Variants in HIPK2 observed in about 807,000 individuals in gnomAD.
The protein encoded by HIPK2 is homeodomain interacting protein kinase 2, also known as homeodomain-interacting protein kinase 2.
In HIPK2, 27 loss-of-function variants were observed where a neutral mutation model predicts 113.7. The observed-to-expected ratio is 0.24, with a 90% CI of 0.17 to 0.33. The LOEUF is 0.33. Among genes scored for constraint, HIPK2 ranks in the 10% least tolerant of loss-of-function variants. The pLI is 1.00. For synonymous variants in HIPK2, 631 were observed against 642.2 expected (o/e 0.98, Z 0.26); for missense variants, 1,257 against 1,588.0 (o/e 0.79, Z 3.54).
intron 2 of HIPK2, among the ~76,000 whole-genome samples, chr7:139,695,736 G>A (rs894891506): frequency 1.3e-5 from 2 of 151,918 alleles, no homozygotes; most frequent in African/African-American, 4.8e-5. Flanking sequence ...TGCCAAAGAT[G>A]TTTTGGACAA....
intron 11 of HIPK2, among the ~76,000 whole-genome samples, chr7:139,597,830 T>A (rs1428453077): frequency 6.6e-6 from 1 of 152,148 alleles, no homozygotes; most frequent in East Asian, 1.9e-4. Context: ...AAATACTTTC[T>A]CCCCTCCCTA....
chr7:139,563,658 C>G lies in HIPK2; in HGVS notation c.*9269G>C. On this transcript the variant is annotated 3_prime_UTR_variant, in exon 15 of 15. Coordinates refer to ENST00000406875, the MANE Select transcript of HIPK2 (RefSeq NM_022740.5). Reference sequence around the variant, plus strand: ...AAAAACAGCAACACCACCACACAAACAGGAAAGTGGGAGTATGATTAGGAG... The same window carrying G: ...AAAAACAGCAACACCACCACACAAAGAGGAAAGTGGGAGTATGATTAGGAG... 2.5e-6 allele frequency: 1 copy of G among 396,380 alleles called. No individual in the cohort carries two copies. The highest frequency in any genetic ancestry group is 1.4e-4 in the South Asian group (1 of 7,012). The allele number at this position is 396,380 out of a possible 1,614,324, so 24.6% of individuals were successfully genotyped here. A position where few individuals can be genotyped will look rare whatever the true frequency, so the allele number is the denominator to read the frequency against.
chr7:139,729,154 T>C (rs891119691), intron 1 of HIPK2, among the ~76,000 whole-genome samples: 4 of 151,986 alleles, frequency 2.6e-5, no homozygotes, highest in Non-Finnish European at 4.4e-5. Context: ...TGAAATCCTG[T>C]CTCTACAAAA....
intron 2 of HIPK2, among the ~76,000 whole-genome samples, chr7:139,668,126 C>CAA (rs35566561): frequency 8.6e-4 from 48 of 55,632 alleles, no homozygotes; most frequent in African/African-American, 2.1e-3. Flanking sequence ...AACTCCATCT[C>CAA]AAAAAAAAAA....
chr7:139,604,161 T>C lies in HIPK2; in HGVS notation c.2175A>G (p.Gly725=), dbSNP rs764393275. 6.2e-7 allele frequency: 1 copy of C among 1,613,934 alleles called. No individual in the cohort carries two copies. Among genetic ancestry groups the C allele is most frequent in the South Asian group, 1.1e-5 (1 of 91,086 alleles). Residue 725 remains glycine (G), a synonymous_variant, in exon 10 of 15, where the codon GGA becomes GGG. Coordinates refer to ENST00000406875, the MANE Select transcript of HIPK2 (RefSeq NM_022740.5). ...LLPPAWQQLT[G]VATHTSVQHA... ...GCTGCACTGATGTGTGGGTGGCCAC[T>C]CCAGTCAGTTGCTGCCATGCTGGGG...
rs1400171621 is a variant in HIPK2, at chr7:139,567,795, A to AG, written c.*5131_*5132insC. ...TCAATTCTCTCTGCTAGTTGAGAGC[A>AG]CCGAGCCATTTCCTTCTTTCCATTT... On this transcript the variant is annotated 3_prime_UTR_variant, in exon 15 of 15. Coordinates refer to ENST00000406875, the MANE Select transcript of HIPK2 (RefSeq NM_022740.5). 5 of 152,216 alleles carry AG rather than the reference A, an allele frequency of 3.3e-5. No homozygotes were observed. The East Asian group carries it at 9.6e-4, about 29-fold the overall frequency. The allele number at this position is 152,216 out of a possible 1,614,324, so 9.4% of individuals were successfully genotyped here.
intron 1 of HIPK2, among the ~76,000 whole-genome samples, chr7:139,734,366 C>G (rs1369142437): frequency 6.6e-6 from 1 of 152,190 alleles, no homozygotes; most frequent in Non-Finnish European, 1.5e-5. Flanking sequence ...GACAAATGCT[C>G]TGGTTTGGTT....
intron 13 of HIPK2, among the ~76,000 whole-genome samples, chr7:139,579,083 C>T (rs60526966): frequency 0.15 from 22,287 of 152,278 alleles, 2,234 homozygotes; most frequent in East Asian, 0.36. Context: ...GATGAAATAA[C>T]TGAGTATGGG....
At chr7:139,612,839 T>C (rs1799885301) in intron 9 of HIPK2, among the ~76,000 whole-genome samples, 1 of 152,180 alleles carries the variant, frequency 6.6e-6, no homozygotes, top group African/African-American at 2.4e-5. Context: ...TAAAAACTCA[T>C]TTCTATTTTA....
intron 7 of HIPK2, among the ~76,000 whole-genome samples, chr7:139,617,076 T>C (rs192087550): frequency 2.0e-4 from 30 of 152,316 alleles, no homozygotes; most frequent in Non-Finnish European, 4.3e-4. Flanking sequence ...TAAGGACCAG[T>C]TGAAGAAGCC....
At chr7:139,682,073 T>C (rs142087792) in intron 2 of HIPK2, among the ~76,000 whole-genome samples, 217 of 152,304 alleles carry the variant, frequency 1.4e-3, no homozygotes, top group Non-Finnish European at 2.6e-3. Context: ...CATGGTGAGA[T>C]GCCAATGTGG....
intron 2 of HIPK2, among the ~76,000 whole-genome samples, chr7:139,681,358 A>G (rs966413912): frequency 2.0e-5 from 3 of 152,204 alleles, no homozygotes; most frequent in Non-Finnish European, 4.4e-5. Context: ...CCCACTTCTC[A>G]GGTCCTTCTA....
chr7:139,744,642 C>T (rs924455013), intron 1 of HIPK2, among the ~76,000 whole-genome samples: 3 of 152,190 alleles, frequency 2.0e-5, no homozygotes, highest in Non-Finnish European at 2.9e-5. Flanking sequence ...TCTCACCCAC[C>T]GGACCTGAAA....
chr7:139,733,512 GA>G (rs2117041876), intron 1 of HIPK2, among the ~76,000 whole-genome samples: 1 of 152,128 alleles, frequency 6.6e-6, no homozygotes, highest in Admixed American at 6.5e-5. Context: ...CAACTTTTTT[GA>G]TTAAGCACTT....
At position 139,616,476 on chromosome 7, in the gene HIPK2, A is replaced by T. The variant is rs1483119418; in HGVS notation, c.1783-1983T>A. Among the ~76,000 whole-genome samples, 3 of 151,616 alleles carry T rather than the reference A, an allele frequency of 2.0e-5. No individual in the cohort carries two copies. The East Asian group carries it at 5.8e-4, about 29-fold the overall frequency. On this transcript the variant is annotated intron_variant, in intron 7 of 14. Coordinates refer to ENST00000406875, the MANE Select transcript of HIPK2 (RefSeq NM_022740.5). ...CTAGACTTATCTCCCTCTGCTCTCC[A>T]CTCTTCTGACACCAAGATTAGTTTA...
At position 139,613,126 on chromosome 7, in the gene HIPK2, G is replaced by A. The variant is rs1323388001; in HGVS notation, c.2112+76C>T. The A allele has an allele frequency of 6.5e-7, 1 of 1,546,158 alleles. No individual in the cohort carries two copies. The highest frequency in any genetic ancestry group is 8.8e-7 in the Non-Finnish European group (1 of 1,131,446). On this transcript the variant is annotated intron_variant, in intron 9 of 14. Transcript: ENST00000406875. This position sits in a 1 kb window ranked among gnomAD's most constrained non-coding sequence, Gnocchi z 4.2. ...ACTCATTACTAGGGAGAGAGGGAGTGGAGATATATATCTTTTGTGAACAAC... is the reference window on the plus strand; with the variant it reads ...ACTCATTACTAGGGAGAGAGGGAGTAGAGATATATATCTTTTGTGAACAAC...
chr7:139,768,229 T>C (rs1569486156), intron 1 of HIPK2, among the ~76,000 whole-genome samples: 1 of 152,222 alleles, frequency 6.6e-6, no homozygotes, highest in African/African-American at 2.4e-5. Flanking sequence ...CCCTAGTTTG[T>C]GTCTTATAAC....
chr7:139,667,597 A>G lies in HIPK2; in HGVS notation c.1104-35872T>C, dbSNP rs538878936. On this transcript the variant is annotated intron_variant, in intron 2 of 14. Transcript: ENST00000406875. ...GCAGGATCCTAATGTAGTGACTGCC[A>G]TTTCAGAAGTGGTACTGACTCACTA... is the stretch of plus-strand genomic sequence containing the variant. Among the ~76,000 whole-genome samples, 3 of 152,326 alleles carry G rather than the reference A, an allele frequency of 2.0e-5. No individual in the cohort carries two copies. The South Asian group carries it at 6.2e-4, about 32-fold the overall frequency.
intron 2 of HIPK2, among the ~76,000 whole-genome samples, chr7:139,659,491 C>G (rs1199615618): frequency 2.6e-5 from 4 of 152,252 alleles, no homozygotes; most frequent in African/African-American, 9.6e-5. Context: ...CCGGCTGCAG[C>G]TGCAGCTTGT....
Sources: allele counts gnomAD v4.1 joint callset (sites outside exome capture counted in the v4.1 genomes callset), GRCh38; gene constraint gnomAD v4.1.1; non-coding constraint Gnocchi (gnomAD v3.1); transcripts MANE v1.5; gene names NCBI Gene and HGNC (gene_info 2026-07-23, HGNC 2026-07-21).